The following SCIN variants were observed in gnomAD, a reference collection of about 807,000 sequenced individuals.
SCIN encodes scinderin, also known as adseverin.
A neutral mutation model predicts 91.8 loss-of-function variants in SCIN; 91 were observed. That is an observed-to-expected ratio of 0.99 (90% CI 0.84 to 1.18). The LOEUF (loss-of-function observed/expected upper bound fraction) is 1.18. Among genes scored for constraint, SCIN ranks in the 50% most tolerant of loss-of-function variants. SCIN has a pLI of 0.00. For missense variants in SCIN, 1,087 were observed against 863.9 expected, an observed-to-expected ratio of 1.26 and a Z score of -3.24; for synonymous variants, 367 against 312.6, an observed-to-expected ratio of 1.17 and a Z score of -1.84.
chr7:12,656,924 G>A lies in SCIN; in HGVS notation c.*4209G>A, dbSNP rs1784173600. 1.3e-5 allele frequency: 2 copies of A among 150,274 alleles called. No homozygotes were observed. The highest frequency in any genetic ancestry group is 2.1e-4 in the South Asian group (1 of 4,738). 9.3% of individuals were successfully genotyped at this position (150,274 alleles called of 1,614,324 possible). On this transcript the variant is annotated 3_prime_UTR_variant, in exon 16 of 16. Transcript: ENST00000297029. The stretch of plus-strand genomic sequence containing the variant: ...GACGATGAGAGTCTCCGTCTCGGGG[G>A]AAGAAAAAAAAAACCTGTAAAAAGT...
At chr7:12,624,916 A>G in intron 5 of SCIN, 94 bp from the exon 6 acceptor site, 8 of 1,252,882 alleles carry the variant, frequency 6.4e-6, no homozygotes, top group Non-Finnish European at 8.7e-6. Context: ...ATTTGATGAC[A>G]TTTACCGAGT....
chr7:12,610,829 T>G (rs1337050505), intron 4 of SCIN, among the ~76,000 whole-genome samples: 3 of 152,252 alleles, frequency 2.0e-5, no homozygotes, highest in East Asian at 3.9e-4. Flanking sequence ...TTATACTTAG[T>G]GCAATACTGT....
chr7:12,581,574 A>G (rs1297359180), intron 3 of SCIN, among the ~76,000 whole-genome samples: 2 of 152,194 alleles, frequency 1.3e-5, no homozygotes, highest in Non-Finnish European at 2.9e-5. Flanking sequence ...TCCCCCAGCA[A>G]CAAAAGGTTC....
intron 9 of SCIN, among the ~76,000 whole-genome samples, chr7:12,630,515 C>G (rs940566729): frequency 4.6e-5 from 7 of 152,244 alleles, no homozygotes; most frequent in Admixed American, 2.0e-4. Context: ...AGATTCTAAT[C>G]TATACCACCA....
At chr7:12,631,182 T>C (rs1783634634) in intron 9 of SCIN, among the ~76,000 whole-genome samples, 4 of 152,244 alleles carry the variant, frequency 2.6e-5, no homozygotes, top group Admixed American at 2.6e-4. Context: ...GAGTTTTAAA[T>C]AGTAGCTATT....
At chr7:12,649,884 C>A (rs749613043) in intron 14 of SCIN, among the ~76,000 whole-genome samples, 21 of 152,116 alleles carry the variant, frequency 1.4e-4, no homozygotes, top group Non-Finnish European at 2.6e-4. Context: ...GGGTACAATG[C>A]CATTGAGGAA....
At chr7:12,627,505 G>A (rs369508091) in intron 8 of SCIN, among the ~76,000 whole-genome samples, 6 of 152,184 alleles carry the variant, frequency 3.9e-5, no homozygotes, top group East Asian at 3.9e-4. Flanking sequence ...AGCTCTCATC[G>A]ATTCCTTGAG....
At chr7:12,596,429 G>A (rs1782843185) in intron 3 of SCIN, 1 of 455,830 alleles carries the variant, frequency 2.2e-6, no homozygotes, top group Non-Finnish European at 4.4e-6. Flanking sequence ...TGCAACAGGT[G>A]TGAACCTTCA....
chr7:12,592,499 G>T (rs142130699), intron 3 of SCIN, among the ~76,000 whole-genome samples: 2 of 152,130 alleles, frequency 1.3e-5, no homozygotes, highest in South Asian at 2.1e-4. Context: ...GATTCTGATG[G>T]GGTCATGGTG....
intron 10 of SCIN, among the ~76,000 whole-genome samples, chr7:12,637,744 T>C (rs1050847213): frequency 2.6e-5 from 4 of 152,172 alleles, no homozygotes; most frequent in African/African-American, 9.7e-5. Flanking sequence ...AAAAAATTAC[T>C]TGTCGAGAAT....
intron 7 of SCIN, chr7:12,626,180 C>G (rs895764238): frequency 4.1e-5 from 13 of 315,996 alleles, no homozygotes; most frequent in African/African-American, 2.8e-4. Context: ...GCCTGAAACC[C>G]AGATGATATT....
Position 12,625,818 on chromosome 7 carries a change from C to G in SCIN, c.949C>G (p.Leu317Val). The G allele has an allele frequency of 6.2e-6, 10 of 1,612,456 alleles. No homozygotes were observed. The highest frequency in any genetic ancestry group is 8.5e-6 in the Non-Finnish European group (10 of 1,178,834). The change falls in exon 7 of 16, where the codon CTA becomes GTA. Residue 317 changes from leucine to valine, a missense_variant. Transcript: ENST00000297029. Reference sequence around the variant, plus strand: ...TGCAATGAAGACAGCTGAAGAATTTCTACAGCAAATGAATTATTCCAAGAA... The same window carrying G: ...TGCAATGAAGACAGCTGAAGAATTTGTACAGCAAATGAATTATTCCAAGAA... ...KAAMKTAEEF[L>V]QQMNYSKNTQ...
intron 10 of SCIN, among the ~76,000 whole-genome samples, chr7:12,636,464 A>G (rs548218382): frequency 3.7e-4 from 57 of 152,332 alleles, no homozygotes; most frequent in African/African-American, 1.3e-3. Flanking sequence ...CTGTTGTTCA[A>G]CAGATACAGT....
chr7:12,638,538 G>A (rs1783797902), intron 10 of SCIN, among the ~76,000 whole-genome samples: 1 of 152,176 alleles, frequency 6.6e-6, no homozygotes, highest in Non-Finnish European at 1.5e-5. Flanking sequence ...CTGATGTCAA[G>A]GGAGCTAAGA....
chr7:12,636,693 C>T (rs1316851368), intron 10 of SCIN, among the ~76,000 whole-genome samples: 1 of 152,130 alleles, frequency 6.6e-6, no homozygotes, highest in Admixed American at 6.6e-5. Context: ...CAGAGGGATG[C>T]AGCATGGGAA....
intron 3 of SCIN, among the ~76,000 whole-genome samples, chr7:12,603,067 C>A (rs539900784): frequency 6.6e-6 from 1 of 152,174 alleles, no homozygotes; most frequent in East Asian, 1.9e-4. Context: ...GCAACAGTTT[C>A]TTTTGTTTTT....
chr7:12,581,805 A>G (rs1782493355), intron 3 of SCIN, among the ~76,000 whole-genome samples: 1 of 152,198 alleles, frequency 6.6e-6, no homozygotes, highest in Admixed American at 6.5e-5. Flanking sequence ...AGGTATACTT[A>G]TTAATCATTA....
chr7:12,650,133 A>G (rs945839610), intron 14 of SCIN, among the ~76,000 whole-genome samples: 1 of 152,210 alleles, frequency 6.6e-6, no homozygotes, highest in Non-Finnish European at 1.5e-5. Context: ...TATATAGAAC[A>G]AGTGTGAAAT....
At chr7:12,618,002 A>T (rs1001948723) in intron 4 of SCIN, among the ~76,000 whole-genome samples, 2 of 151,868 alleles carry the variant, frequency 1.3e-5, no homozygotes, top group African/African-American at 4.8e-5. Flanking sequence ...TTTTGGGGTA[A>T]TTTTCTTATG....
Sources: allele counts gnomAD v4.1 joint callset (sites outside exome capture counted in the v4.1 genomes callset), GRCh38; gene constraint gnomAD v4.1.1; transcripts MANE v1.5; gene names NCBI Gene and HGNC (gene_info 2026-07-23, HGNC 2026-07-21).